Variants in AQP8 observed in about 807,000 individuals in gnomAD.
The protein encoded by AQP8 is aquaporin-8.
Under a neutral mutation model 26.1 loss-of-function variants are expected in AQP8, and 14 were observed. The observed-to-expected ratio is 0.54, with a 90% confidence interval of 0.35 to 0.84. The LOEUF is 0.84. Ranked by LOEUF, AQP8 falls within the 40% of genes least tolerant of loss-of-function variation. The pLI is 0.01. For synonymous variants in AQP8, 131 were observed against 150.7 expected, an observed-to-expected ratio of 0.87 and a Z score of 0.96; for missense variants, 301 against 340.5, an observed-to-expected ratio of 0.88 and a Z score of 0.91.
At chr16:25,227,324 T>TTTCTC in intron 5 of AQP8, 122 bp downstream of exon 5, 1 of 1,295,678 alleles carries the variant, frequency 7.7e-7, no homozygotes, top group Non-Finnish European at 1.1e-6. Flanking sequence ...GGGAGCCTCT[T>TTTCTC]TAGAGGCAAA....
At chr16:25,224,217 T>C (rs1962600812) in intron 3 of AQP8, 145 bp from the exon 4 acceptor site, 1 of 697,906 alleles carries the variant, frequency 1.4e-6, no homozygotes, top group Admixed American at 2.9e-5. Flanking sequence ...AGAGCTGGGA[T>C]GTGGATGCAG....
chr16:25,222,009 C>CT (rs1962569125), intron 3 of AQP8, among the ~76,000 whole-genome samples: 1 of 152,156 alleles, frequency 6.6e-6, no homozygotes, highest in Admixed American at 6.5e-5. Flanking sequence ...CTCAAGTGAT[C>CT]TACCTGCCTT....
At chr16:25,224,283 T>G in intron 3 of AQP8, 79 bp from the exon 4 acceptor site, 6 of 1,344,720 alleles carry the variant, frequency 4.5e-6, no homozygotes, top group Non-Finnish European at 6.1e-6. Context: ...GTGGGTAGCA[T>G]GCGTTTTTTA....
At chr16:25,224,632 G>A in intron 4 of AQP8, 56 bp downstream of exon 4, 2 of 1,550,026 alleles carry the variant, frequency 1.3e-6, no homozygotes, top group Non-Finnish European at 1.7e-6. Context: ...GTTCAGCTCT[G>A]GGGGATTTCA....
chr16:25,218,405 G>A (rs1198590291), intron 2 of AQP8, among the ~76,000 whole-genome samples: 1 of 152,168 alleles, frequency 6.6e-6, no homozygotes, highest in African/African-American at 2.4e-5. Flanking sequence ...CAATGGGGAG[G>A]TCTGTGGACA....
Position 25,224,399 on chromosome 16 carries a change from G to A in AQP8, c.425G>A (p.Gly142Glu). The A allele has an allele frequency of 1.2e-6, 2 of 1,614,038 alleles. No individual in the cohort carries two copies. Among genetic ancestry groups the A allele is most frequent in the African/African-American group, 1.3e-5 (1 of 75,030 alleles). ...SPEERFWNAS[G>E]AAFVTVQEQG... is the part of the protein sequence containing the mutation. ...GAGGAGAGGTTCTGGAATGCATCTGGGGCGGCCTTTGTGACAGTCCAGGAG... is the reference window on the plus strand; with the variant it reads ...GAGGAGAGGTTCTGGAATGCATCTGAGGCGGCCTTTGTGACAGTCCAGGAG... The change falls in exon 4 of 6, where the codon GGG becomes GAG. Residue 142 changes from glycine (G) to glutamate (E), a missense_variant. Coordinates refer to ENST00000219660, the MANE Select transcript of AQP8 (RefSeq NM_001169.3).
chr16:25,222,649 C>G (rs1383503088), intron 3 of AQP8, among the ~76,000 whole-genome samples: 1 of 151,328 alleles, frequency 6.6e-6, no homozygotes, highest in Middle Eastern at 3.2e-3. Flanking sequence ...TCAAGCCCTT[C>G]AAGATGTGGG....
At chr16:25,226,992 T>C in intron 4 of AQP8, 76 bp from the exon 5 acceptor site, 1 of 1,604,982 alleles carries the variant, frequency 6.2e-7, no homozygotes, top group Non-Finnish European at 8.5e-7. Context: ...TGACTAGGCC[T>C]AGTTGGGGAC....
chr16:25,224,620 C>T (rs1384945415), intron 4 of AQP8, 44 bp downstream of exon 4: 1 of 1,567,900 alleles, frequency 6.4e-7, no homozygotes, highest in Admixed American at 1.8e-5. Context: ...CAGATCTGTG[C>T]TGTTCAGCTC....
At chr16:25,226,105 G>A (rs1014778293) in intron 4 of AQP8, among the ~76,000 whole-genome samples, 2 of 152,132 alleles carry the variant, frequency 1.3e-5, no homozygotes, top group African/African-American at 4.8e-5. Context: ...GGTGAACCTA[G>A]TAGGTGTATA....
At chr16:25,217,534 T>A (rs1567342689) in intron 2 of AQP8, 89 bp downstream of exon 2, 9 of 1,532,228 alleles carry the variant, frequency 5.9e-6, no homozygotes, top group Non-Finnish European at 4.4e-6. Context: ...CCTGGGCGCA[T>A]ACGTATTCGG....
In AQP8 at chr16:25,217,252, G is replaced by A. The variant is rs780528008; in HGVS notation, c.67G>A (p.Gly23Ser). 1 of 1,614,228 alleles carries A rather than the reference G, an allele frequency of 6.2e-7. No homozygotes were observed. Among genetic ancestry groups the A allele is most frequent in the Non-Finnish European group, 8.5e-7 (1 of 1,180,044 alleles). The change falls in exon 2 of 6, where the codon GGT (glycine) becomes AGT (serine). Residue 23 changes from glycine (G) to serine (S), a missense_variant. Coordinates refer to ENST00000219660, the MANE Select transcript of AQP8 (RefSeq NM_001169.3). ...GNDKAREPSV[G>S]GRWRVSWYER... ...TGACAAGGCCAGGGAGCCGAGCGTG[G>A]GTGGCAGGTGGCGAGTGTCCTGGTA... is the stretch of plus-strand genomic sequence containing the variant.
At chr16:25,226,260 T>G (rs1442207098) in intron 4 of AQP8, among the ~76,000 whole-genome samples, 2 of 151,948 alleles carry the variant, frequency 1.3e-5, no homozygotes, top group Non-Finnish European at 2.9e-5. Flanking sequence ...TTATTTTATT[T>G]TTAGTTTTAG....
chr16:25,223,166 G>A (rs1962586238), intron 3 of AQP8, among the ~76,000 whole-genome samples: 1 of 152,260 alleles, frequency 6.6e-6, no homozygotes, highest in Admixed American at 6.5e-5. Flanking sequence ...AGAGAAGCAG[G>A]TAACTTGCTC....
At chr16:25,227,967 G>A (rs1408388529) in intron 5 of AQP8, among the ~76,000 whole-genome samples, 1 of 151,460 alleles carries the variant, frequency 6.6e-6, no homozygotes, top group Non-Finnish European at 1.5e-5. Context: ...TCAGGAAAAG[G>A]GTTAGAAACC....
At chr16:25,217,124 G>A (rs1962496325) in intron 1 of AQP8, 67 bp downstream of exon 1, 2 of 1,613,554 alleles carry the variant, frequency 1.2e-6, no homozygotes. Flanking sequence ...ATTAATTCAA[G>A]GTTGGGGGTC....
chr16:25,223,206 C>T lies in AQP8; in HGVS notation c.388-1156C>T, dbSNP rs540047852. On this transcript the variant is annotated intron_variant, in intron 3 of 5. Coordinates refer to ENST00000219660, the MANE Select transcript of AQP8 (RefSeq NM_001169.3). ...TCAGACGTGCCTGTAAGCAGCACAG[C>T]CCCGACTGGATCCAGAGTCCAGAAG... 2.6e-5 allele frequency among the ~76,000 whole-genome samples: 4 copies of T among 152,358 alleles called. No individual in the cohort carries two copies. The East Asian group carries it at 5.8e-4, about 22-fold the overall frequency.
At chr16:25,217,538 T>C (rs914728544) in intron 2 of AQP8, 93 bp downstream of exon 2, 3 of 1,517,914 alleles carry the variant, frequency 2.0e-6, no homozygotes, top group Non-Finnish European at 2.7e-6. Context: ...GGCGCATACG[T>C]ATTCGGGATT....
chr16:25,227,904 T>A (rs1962656627), intron 5 of AQP8, among the ~76,000 whole-genome samples: 1 of 151,334 alleles, frequency 6.6e-6, no homozygotes, highest in African/African-American at 2.4e-5. Context: ...CGTGAGCCAC[T>A]GCACCCGGCT....
Sources: gnomAD v4.1 joint callset for allele counts (sites outside exome capture counted in the v4.1 genomes callset) on GRCh38, gnomAD v4.1.1 for gene constraint, MANE v1.5 for transcripts, NCBI Gene and HGNC (gene_info 2026-07-23, HGNC 2026-07-21) for gene names.